The following FAM177B variants were observed in gnomAD, a reference collection of about 807,000 sequenced individuals.
The protein encoded by FAM177B is protein FAM177B.
FAM177B carries 16 observed loss-of-function variants against 16.1 expected under a neutral mutation model. The ratio of observed to expected loss-of-function variants is 0.99; its 90% CI spans 0.67 to 1.51. FAM177B has a LOEUF of 1.51. Among genes scored for constraint, FAM177B ranks in the 40% most tolerant of loss-of-function variants. FAM177B has a pLI of 0.00. For synonymous variants in FAM177B, 56 were observed against 59.9 expected (o/e 0.93, Z 0.30); for missense variants, 178 against 183.7 (o/e 0.97, Z 0.18).
chr1:222,744,277 C>G (rs564215594), intron 2 of FAM177B, among the ~76,000 whole-genome samples: 20 of 152,234 alleles, frequency 1.3e-4, no homozygotes, highest in African/African-American at 4.6e-4. Context: ...TCGAGATCAG[C>G]CTGGCCAACA....
chr1:222,746,658 G>A lies in FAM177B; in HGVS notation c.113G>A (p.Ser38Asn). 1 of 1,613,816 alleles carries A rather than the reference G, an allele frequency of 6.2e-7. No individual in the cohort carries two copies. Among genetic ancestry groups the A allele is most frequent in the Non-Finnish European group, 8.5e-7 (1 of 1,179,744 alleles). ...GACGGAGACATCATGGAAGAATATA[G>A]CACAGAGGAGGAGGAGGAAGAGGAA... is the stretch of plus-strand genomic sequence containing the variant. ...FVDGDIMEEYSTEEEEEEEKE... is the reference protein window; with the variant it reads ...FVDGDIMEEYNTEEEEEEEKE... The change falls in exon 3 of 6, where the codon AGC (serine) becomes AAC (asparagine). Residue 38 changes from serine to asparagine, a missense_variant. Coordinates refer to ENST00000445590, the MANE Select transcript of FAM177B (RefSeq NM_001394345.1).
intron 4 of FAM177B, chr1:222,749,242 A>T (rs1399651533): frequency 2.0e-6 from 1 of 503,850 alleles, no homozygotes. Flanking sequence ...AAAATAGTTT[A>T]TATATAATCC....
intron 4 of FAM177B, chr1:222,749,033 C>G (rs954507434): frequency 4.2e-6 from 2 of 472,222 alleles, no homozygotes. Flanking sequence ...AGAAGTCTGT[C>G]TGGATGCATG....
chr1:222,749,182 A>C, intron 4 of FAM177B: 2 of 408,096 alleles, frequency 4.9e-6, no homozygotes, highest in Non-Finnish European at 4.8e-6. Flanking sequence ...CCCATGCTAT[A>C]CCTGTTGTTA....
intron 2 of FAM177B, among the ~76,000 whole-genome samples, chr1:222,743,826 A>G (rs765820411): frequency 2.0e-4 from 30 of 152,058 alleles, no homozygotes; most frequent in Non-Finnish European, 3.5e-4. Flanking sequence ...CACTCATGGG[A>G]TCTGAGATTT....
intron 2 of FAM177B, among the ~76,000 whole-genome samples, chr1:222,741,926 CTCTCTT>C (rs1370168931): frequency 1.0e-3 from 106 of 102,546 alleles, no homozygotes; most frequent in South Asian, 1.6e-3. Flanking sequence ...CTCTCTCTCT[CTCTCTT>C]TCTTTCTTTC....
intron 2 of FAM177B, chr1:222,742,522 G>C (rs1272072618): frequency 6.6e-6 from 1 of 152,108 alleles, no homozygotes; most frequent in Non-Finnish European, 1.5e-5. Flanking sequence ...AAAAATTACT[G>C]TTTCTCATTT....
intron 1 of FAM177B, among the ~76,000 whole-genome samples, 194 bp from the exon 2 acceptor site, chr1:222,737,710 C>T (rs1218443970): frequency 6.6e-6 from 1 of 152,254 alleles, no homozygotes; most frequent in East Asian, 1.9e-4. Context: ...TAAGCAAAGA[C>T]ATGACATGGT....
chr1:222,749,586 A>G, intron 5 of FAM177B, 24 bp downstream of exon 5: 1 of 1,373,884 alleles, frequency 7.3e-7, no homozygotes, highest in Non-Finnish European at 1.0e-6. Flanking sequence ...TGATGGAAAC[A>G]AGGGGCCTGA....
In FAM177B at chr1:222,749,117, TGTTTAGCCG is replaced by T. The variant is rs1558250885; in HGVS notation, c.242-345_242-337del. On this transcript the variant is annotated intron_variant, in intron 4 of 5. Transcript: ENST00000445590. ...TAATTTGAAATATACTTGGAGCAGA[TGTTTAGCCG>T]GTATGCATGGGGATAATGAACAATA... 3.0e-5 allele frequency: 14 copies of T among 469,322 alleles called. No homozygotes were observed. The East Asian group carries it at 9.5e-4, about 32-fold the overall frequency. 29.1% of individuals were successfully genotyped at this position (469,322 alleles called of 1,614,324 possible).
At position 222,748,535 on chromosome 1, in the gene FAM177B, G is replaced by C. The variant is rs77769203; in HGVS notation, c.242-930G>C. ...TAAAGATGCTAGCAGTCAGTGCTGTGGTCTGTCTACACAGAGATTTTGTTT... is the reference window on the plus strand; with the variant it reads ...TAAAGATGCTAGCAGTCAGTGCTGTCGTCTGTCTACACAGAGATTTTGTTT... On this transcript the variant is annotated intron_variant, in intron 4 of 5. Coordinates refer to ENST00000445590, the MANE Select transcript of FAM177B (RefSeq NM_001394345.1). Among the ~76,000 whole-genome samples, 25 of 152,204 alleles carry C rather than the reference G, an allele frequency of 1.6e-4. No homozygotes were observed. In the East Asian group the frequency reaches 3.9e-3, roughly 24 times the overall value.
Position 222,750,342 on chromosome 1 carries a change from T to C in FAM177B, c.*284T>C. 1.7e-6 allele frequency: 2 copies of C among 1,199,484 alleles called. No individual in the cohort carries two copies. The highest frequency in any genetic ancestry group is 2.1e-6 in the Non-Finnish European group (2 of 963,572). 74.3% of individuals were successfully genotyped at this position (1,199,484 alleles called of 1,614,324 possible). On this transcript the variant is annotated 3_prime_UTR_variant, in exon 6 of 6. Transcript: ENST00000445590. Reference sequence around the variant, plus strand: ...CCTGTGATACAAGTCCCATGAGTACTGACATTTGCACAGTAGCATAAATGC... The same window carrying C: ...CCTGTGATACAAGTCCCATGAGTACCGACATTTGCACAGTAGCATAAATGC...
intron 2 of FAM177B, among the ~76,000 whole-genome samples, chr1:222,743,327 G>GT (rs753007006): frequency 0.014 from 1,949 of 142,610 alleles, 28 homozygotes; most frequent in African/African-American, 0.037. Flanking sequence ...TTTGTGTTTT[G>GT]TTTTTTTTTT....
At chr1:222,738,974 C>A (rs1239580732) in intron 2 of FAM177B, among the ~76,000 whole-genome samples, 1 of 152,186 alleles carries the variant, frequency 6.6e-6, no homozygotes, top group Non-Finnish European at 1.5e-5. Flanking sequence ...AAAGAGCCCT[C>A]TGAACTTAAA....
At chr1:222,738,820 C>T (rs1452803324) in intron 2 of FAM177B, among the ~76,000 whole-genome samples, 1 of 152,096 alleles carries the variant, frequency 6.6e-6, no homozygotes, top group Non-Finnish European at 1.5e-5. Context: ...TGACATGTAC[C>T]GATTACAAAG....
chr1:222,741,725 T>C (rs113000334), intron 2 of FAM177B, among the ~76,000 whole-genome samples: 5 of 149,826 alleles, frequency 3.3e-5, no homozygotes, highest in South Asian at 2.2e-4. Context: ...CCTTCCTTCC[T>C]TCCCTCCCTC....
At chr1:222,740,794 G>T (rs1234571763) in intron 2 of FAM177B, among the ~76,000 whole-genome samples, 1 of 152,006 alleles carries the variant, frequency 6.6e-6, no homozygotes, top group Non-Finnish European at 1.5e-5. Context: ...CGGCCTCCCG[G>T]GTTCATGCCA....
chr1:222,748,871 A>G (rs1658918689), intron 4 of FAM177B: 2 of 356,108 alleles, frequency 5.6e-6, no homozygotes, highest in South Asian at 4.7e-5. Flanking sequence ...GAAATCCTCT[A>G]ATTGTAAAGG....
chr1:222,745,114 T>C (rs1658732939), intron 2 of FAM177B, among the ~76,000 whole-genome samples: 1 of 152,252 alleles, frequency 6.6e-6, no homozygotes, highest in Admixed American at 6.5e-5. Context: ...TGTTTATTAC[T>C]TTTAATTGCT....
Sources: gnomAD v4.1 joint callset for allele counts (sites outside exome capture counted in the v4.1 genomes callset) on GRCh38, gnomAD v4.1.1 for gene constraint, MANE v1.5 for transcripts, NCBI Gene and HGNC (gene_info 2026-07-23, HGNC 2026-07-21) for gene names.